ADAT3: variants seen among roughly 807,000 people sequenced by gnomAD.
ADAT3 encodes the protein tRNA-specific adenosine-34 deaminase regulatory subunit ADAT3.
In ADAT3, 2 loss-of-function variants were observed where a neutral mutation model predicts 3.5. The ratio of observed to expected loss-of-function variants is 0.57; its 90% CI spans 0.23 to 1.79. The LOEUF is 1.79. Among genes scored for constraint, ADAT3 ranks in the 40% most tolerant of loss-of-function variants. The pLI is 0.18. For synonymous variants in ADAT3, 358 were observed against 270.3 expected (o/e 1.32, Z -3.18); for missense variants, 735 against 571.4 (o/e 1.29, Z -2.92).
chr19:1,910,699 C>T (rs1049418206), intron 1 of ADAT3, among the ~76,000 whole-genome samples: 1 of 150,432 alleles, frequency 6.6e-6, no homozygotes, highest in Non-Finnish European at 1.5e-5. Context: ...GCCTCAGCTT[C>T]CTGAGTAGCT....
chr19:1,908,258 G>A lies in ADAT3; in HGVS notation c.-159+2819G>A. On this transcript the variant is annotated intron_variant, in intron 1 of 1. Coordinates refer to ENST00000329478, the MANE Select transcript of ADAT3 (RefSeq NM_138422.4). This position sits in a 1 kb window ranked among gnomAD's most constrained non-coding sequence, Gnocchi z 4.2. ...GCTGCCTCCGCGCTTCCTGCTCCCG[G>A]CTCCCACTGCATCTCCGGTTCTGTG... The A allele has an allele frequency of 3.5e-6, 1 of 281,710 alleles. No individual in the cohort carries two copies. The highest frequency in any genetic ancestry group is 1.3e-4 in the East Asian group (1 of 7,954). The allele number at this position is 281,710 out of a possible 1,614,324, so 17.5% of individuals were successfully genotyped here.
intron 1 of ADAT3, among the ~76,000 whole-genome samples, chr19:1,910,317 TC>T (rs2013375052): frequency 6.6e-6 from 1 of 152,218 alleles, no homozygotes; most frequent in African/African-American, 2.4e-5. Context: ...CCTGCTCAGT[TC>T]CTGGCCACAT....
Position 1,912,450 on chromosome 19 carries a change from G to A in ADAT3, c.403G>A (p.Gly135Ser), listed in dbSNP as rs1384017053. ...GCCACGGCCGGCTGTGGACCCCCGC[G>A]GCCTGGGGCAACCCTTCCTGGTGCC... is the stretch of plus-strand genomic sequence containing the variant. ...LLPRPAVDPRGLGQPFLVPVP... is the reference protein window; with the variant it reads ...LLPRPAVDPRSLGQPFLVPVP... Residue 135 changes from glycine (G) to serine (S), a missense_variant, in exon 2 of 2, where the codon GGC becomes AGC. By Grantham distance (56) the Gly-to-Ser change is moderately conservative. Transcript: ENST00000329478. 2 of 1,506,644 alleles carry A rather than the reference G, an allele frequency of 1.3e-6. No homozygotes were observed. Among genetic ancestry groups the A allele is most frequent in the Non-Finnish European group, 1.8e-6 (2 of 1,134,912 alleles). 93.3% of individuals were successfully genotyped at this position (1,506,644 alleles called of 1,614,324 possible).
Position 1,913,267 on chromosome 19 carries a change from C to G in ADAT3, c.*116C>G. 1 of 1,391,878 alleles carries G rather than the reference C, an allele frequency of 7.2e-7. No homozygotes were observed. The highest frequency in any genetic ancestry group is 1.5e-5 in the South Asian group (1 of 65,902). The allele number at this position is 1,391,878 out of a possible 1,614,324, so 86.2% of individuals were successfully genotyped here. A position where few individuals can be genotyped will look rare whatever the true frequency, so the allele number is the denominator to read the frequency against. On this transcript the variant is annotated 3_prime_UTR_variant, in exon 2 of 2. Coordinates refer to ENST00000329478, the MANE Select transcript of ADAT3 (RefSeq NM_138422.4). ...TGACCGTGGATTTCAGGGACACATA[C>G]CGCCTCCAGCGGGGAGCACGGGTGC...
At position 1,912,796 on chromosome 19, in the gene ADAT3, G is replaced by T. The variant is rs1425999578; in HGVS notation, c.749G>T (p.Arg250Leu). The T allele has an allele frequency of 6.4e-7, 1 of 1,574,034 alleles. No homozygotes were observed. The highest frequency in any genetic ancestry group is 8.6e-7 in the Non-Finnish European group (1 of 1,168,684). ...ATGGTGTGCGTGGACCTCGTGGCGC[G>T]CGGCCAGGGCCGCGGCACCTACGAC... ...AVMVCVDLVA[R>L]GQGRGTYDFR... Residue 250 changes from arginine to leucine, a missense_variant, in exon 2 of 2, where the codon CGC becomes CTC. Physicochemically the swap from Arg to Leu is moderately radical, Grantham distance 102. Transcript: ENST00000329478.
At chr19:1,911,799 TAAAAA>T (rs888044461) in intron 1 of ADAT3, 86 bp from the exon 2 acceptor site, 54 of 396,954 alleles carry the variant, frequency 1.4e-4, no homozygotes, top group South Asian at 1.0e-4. Context: ...AAAAATAAAA[TAAAAA>T]AAAAAGAAAA....
Position 1,912,858 on chromosome 19 carries a change from G to C in ADAT3, c.811G>C (p.Ala271Pro). 6.3e-7 allele frequency: 1 copy of C among 1,597,964 alleles called. No homozygotes were observed. Among genetic ancestry groups the C allele is most frequent in the Admixed American group, 1.7e-5 (1 of 59,444 alleles). ...PFPACSFAPA[A>P]APQAVRAGAV... ...CCCCGCCTGCTCCTTCGCCCCGGCCGCTGCCCCCCAGGCCGTCCGCGCAGG... is the reference window on the plus strand; with the variant it reads ...CCCCGCCTGCTCCTTCGCCCCGGCCCCTGCCCCCCAGGCCGTCCGCGCAGG... Residue 271 changes from alanine (A) to proline (P), a missense_variant, in exon 2 of 2, where the codon GCT becomes CCT. By Grantham distance (27) the Ala-to-Pro change is conservative. Coordinates refer to ENST00000329478, the MANE Select transcript of ADAT3 (RefSeq NM_138422.4).
Position 1,912,461 on chromosome 19 carries a change from A to G in ADAT3, c.414A>G (p.Gln138=), listed in dbSNP as rs1230347077. The stretch of plus-strand genomic sequence containing the variant: ...CTGTGGACCCCCGCGGCCTGGGGCA[A>G]CCCTTCCTGGTGCCCGTGCCCGCCC... ...RPAVDPRGLG[Q]PFLVPVPARP... The change falls in exon 2 of 2, where the codon CAA becomes CAG. Residue 138 remains glutamine (Q), a synonymous_variant. Transcript: ENST00000329478. 35 of 1,504,810 alleles carry G rather than the reference A, an allele frequency of 2.3e-5. No individual in the cohort carries two copies. Among genetic ancestry groups the G allele is most frequent in the Non-Finnish European group, 2.9e-5 (33 of 1,134,092 alleles). The allele number at this position is 1,504,810 out of a possible 1,614,324, so 93.2% of individuals were successfully genotyped here. A position where few individuals can be genotyped will look rare whatever the true frequency, so the allele number is the denominator to read the frequency against.
intron 1 of ADAT3, among the ~76,000 whole-genome samples, chr19:1,909,571 TTCACCTGTGCCAGCAGCAGGGATGTCC>T (rs58830313): frequency 0.19 from 29,472 of 151,676 alleles, 3,425 homozygotes; most frequent in African/African-American, 0.32. Context: ...CTGGGATGTC[TTCACCTGTGCCAGCAGCAGGGATGTCC>T]TCACCTGTGC....
At chr19:1,910,424 G>T (rs2013380699) in intron 1 of ADAT3, among the ~76,000 whole-genome samples, 1 of 152,180 alleles carries the variant, frequency 6.6e-6, no homozygotes, top group Non-Finnish European at 1.5e-5. Context: ...TGGTTGCCTG[G>T]GTTGCTGTGT....
chr19:1,910,645 C>T (rs574106086), intron 1 of ADAT3, among the ~76,000 whole-genome samples: 14 of 148,048 alleles, frequency 9.5e-5, no homozygotes, highest in Admixed American at 3.4e-4. Context: ...GGCACGATCT[C>T]GGCTCACTGC....
At chr19:1,905,570 G>A (rs2013059589) in intron 1 of ADAT3, 131 bp downstream of exon 1, 2 of 199,400 alleles carry the variant, frequency 1.0e-5, no homozygotes, top group Non-Finnish European at 1.2e-5. Context: ...GGGGGCCCAG[G>A]CCAGCCTCGC....
In ADAT3 at chr19:1,912,205, C is replaced by T; in HGVS notation, c.158C>T (p.Ser53Leu). 2.5e-6 allele frequency: 4 copies of T among 1,589,924 alleles called. No homozygotes were observed. Among genetic ancestry groups the T allele is most frequent in the Non-Finnish European group, 3.4e-6 (4 of 1,171,498 alleles). Residue 53 changes from serine to leucine, a missense_variant, in exon 2 of 2, where the codon TCA (serine) becomes TTA (leucine). By Grantham distance (145) the Ser-to-Leu change is moderately radical. Transcript: ENST00000329478. Reference protein sequence around the residue: ...QALPVLSEKQSGDVELVLAYA... With the variant: ...QALPVLSEKQLGDVELVLAYA... ...CTCCCTGTCCTGTCCGAGAAGCAGT[C>T]AGGGGACGTGGAGCTGGTGCTGGCC...
Position 1,913,154 on chromosome 19 carries a change from G to T in ADAT3, c.*3G>T. ...GCTGGCTGGACCCCGACACGTAGGCGCCGCCCTCCTGCCTCCGGACCCTTC... is the reference window on the plus strand; with the variant it reads ...GCTGGCTGGACCCCGACACGTAGGCTCCGCCCTCCTGCCTCCGGACCCTTC... On this transcript the variant is annotated 3_prime_UTR_variant, in exon 2 of 2. Transcript: ENST00000329478. 1 of 1,535,558 alleles carries T rather than the reference G, an allele frequency of 6.5e-7. No individual in the cohort carries two copies. Among genetic ancestry groups the T allele is most frequent in the Non-Finnish European group, 8.7e-7 (1 of 1,143,912 alleles).
chr19:1,910,372 G>C (rs961165428), intron 1 of ADAT3, among the ~76,000 whole-genome samples: 19 of 152,212 alleles, frequency 1.2e-4, no homozygotes, highest in Admixed American at 6.5e-4. Context: ...CCCCGCTTCT[G>C]CTTCCAGGCT....
chr19:1,912,070 G>A lies in ADAT3; in HGVS notation c.23G>A (p.Cys8Tyr). Residue 8 changes from cysteine (C) to tyrosine (Y), a missense_variant, in exon 2 of 2, where the codon TGT (cysteine) becomes TAT (tyrosine). By Grantham distance (194) the Cys-to-Tyr change is radical. Coordinates refer to ENST00000329478, the MANE Select transcript of ADAT3 (RefSeq NM_138422.4). MILCSRLCLPQSASLRME... is the reference protein window; with the variant it reads MILCSRLYLPQSASLRME... Reference sequence around the variant, plus strand: ...CGGATGATCCTCTGCTCCCGTCTCTGTCTCCCACAGTCGGCCTCGCTGAGG... The same window carrying A: ...CGGATGATCCTCTGCTCCCGTCTCTATCTCCCACAGTCGGCCTCGCTGAGG... 1 of 1,444,544 alleles carries A rather than the reference G, an allele frequency of 6.9e-7. No homozygotes were observed. The allele number at this position is 1,444,544 out of a possible 1,614,324, so 89.5% of individuals were successfully genotyped here.
intron 1 of ADAT3, among the ~76,000 whole-genome samples, chr19:1,909,760 T>G (rs2013339359): frequency 6.6e-6 from 1 of 152,102 alleles, no homozygotes; most frequent in Non-Finnish European, 1.5e-5. Flanking sequence ...AGCCAGGGCC[T>G]CCTCTGTGAC....
At chr19:1,907,630 C>G (rs1325761934) in intron 1 of ADAT3, among the ~76,000 whole-genome samples, 1 of 152,172 alleles carries the variant, frequency 6.6e-6, no homozygotes, top group East Asian at 1.9e-4. Context: ...CTCCTGTTCA[C>G]CAGGGTTGTC....
rs1039219023 is a variant in ADAT3 at position 1,912,025 on chromosome 19, C to T, written c.-23C>T. On this transcript the variant is annotated 5_prime_UTR_variant, in exon 2 of 2. Transcript: ENST00000329478. ...TCCCGGGACGGACTCCCCGGCTCTC[C>T]CCCAGCCGCCCGCAGCCGCCGGATG... is the stretch of plus-strand genomic sequence containing the variant. The T allele has an allele frequency of 7.1e-7, 1 of 1,417,798 alleles. No individual in the cohort carries two copies. Among genetic ancestry groups the T allele is most frequent in the Non-Finnish European group, 9.2e-7 (1 of 1,092,578 alleles). 87.8% of individuals were successfully genotyped at this position (1,417,798 alleles called of 1,614,324 possible). A position where few individuals can be genotyped will look rare whatever the true frequency, so the allele number is the denominator to read the frequency against.
Sources: gnomAD v4.1 joint callset for allele counts (sites outside exome capture counted in the v4.1 genomes callset) on GRCh38, gnomAD v4.1.1 for gene constraint, Gnocchi (gnomAD v3.1) non-coding constraint, MANE v1.5 for transcripts, NCBI Gene and HGNC (gene_info 2026-07-23, HGNC 2026-07-21) for gene names.